The following DSCAML1 variants were observed in gnomAD, a reference collection of about 807,000 sequenced individuals.
The protein encoded by DSCAML1 is DS cell adhesion molecule like 1, also known as cell adhesion molecule DSCAML1.
Under a neutral mutation model 200.5 loss-of-function variants are expected in DSCAML1, and 38 were observed. That is an observed-to-expected ratio of 0.19 (90% CI 0.15 to 0.25). DSCAML1 has a LOEUF of 0.25. DSCAML1 is among the 10% of genes least tolerant of loss of function. The pLI, the probability that DSCAML1 is intolerant of heterozygous loss-of-function variation, is 1.00. For synonymous variants in DSCAML1, 1,215 were observed against 1,165.0 expected, an observed-to-expected ratio of 1.04 and a Z score of -0.87; for missense variants, 2,223 against 2,858.8, an observed-to-expected ratio of 0.78 and a Z score of 5.07.
At chr11:117,644,108 A>G (rs1183875435) in intron 3 of DSCAML1, among the ~76,000 whole-genome samples, 2 of 152,168 alleles carry the variant, frequency 1.3e-5, no homozygotes, top group East Asian at 3.9e-4. Flanking sequence ...GGGGCCCGTG[A>G]TGAAGTCCTG....
chr11:117,733,594 A>G (rs996523122), intron 3 of DSCAML1, among the ~76,000 whole-genome samples: 5 of 152,226 alleles, frequency 3.3e-5, no homozygotes, highest in Non-Finnish European at 7.3e-5. Flanking sequence ...CGACACGGCA[A>G]GGAAGGAAGC....
At chr11:117,684,434 CTAAAAAAAA>C (rs1206227019) in intron 3 of DSCAML1, among the ~76,000 whole-genome samples, 4 of 50,296 alleles carry the variant, frequency 8.0e-5, no homozygotes, top group Non-Finnish European at 1.4e-4. Flanking sequence ...ATTTCATTAA[CTAAAAAAAA>C]AAAAAAAAAA....
intron 3 of DSCAML1, among the ~76,000 whole-genome samples, chr11:117,546,335 T>C (rs1262685293): frequency 6.6e-6 from 1 of 152,230 alleles, no homozygotes; most frequent in Non-Finnish European, 1.5e-5. Flanking sequence ...TCTCTGAACC[T>C]GTTTCCTGTG....
At chr11:117,606,007 C>G (rs1480789114) in intron 3 of DSCAML1, among the ~76,000 whole-genome samples, 1 of 152,154 alleles carries the variant, frequency 6.6e-6, no homozygotes, top group Non-Finnish European at 1.5e-5. Context: ...GTCCTTTCCA[C>G]TGTCTACTCT....
intron 19 of DSCAML1, among the ~76,000 whole-genome samples, chr11:117,458,024 G>T (rs2048406506): frequency 6.6e-6 from 1 of 152,188 alleles, no homozygotes; most frequent in Non-Finnish European, 1.5e-5. Context: ...AAAGTGGCGG[G>T]GCTGGAGGCG....
At chr11:117,446,765 G>A (rs577754721) in intron 20 of DSCAML1, among the ~76,000 whole-genome samples, 5 of 152,294 alleles carry the variant, frequency 3.3e-5, no homozygotes, top group East Asian at 1.9e-4. Context: ...CAAATGCTCC[G>A]AAGGGCAATT....
chr11:117,688,214 G>C (rs1236845731), intron 3 of DSCAML1, among the ~76,000 whole-genome samples: 1 of 152,236 alleles, frequency 6.6e-6, no homozygotes, highest in Non-Finnish European at 1.5e-5. Context: ...TGCTACAGAG[G>C]TGCCAACCCC....
intron 3 of DSCAML1, among the ~76,000 whole-genome samples, chr11:117,655,856 C>T (rs1300066294): frequency 6.6e-6 from 1 of 152,190 alleles, no homozygotes; most frequent in Admixed American, 6.5e-5. Flanking sequence ...CTTGCCTTTT[C>T]CCCACCTACA....
chr11:117,646,389 G>A (rs1355309681), intron 3 of DSCAML1, among the ~76,000 whole-genome samples: 1 of 152,162 alleles, frequency 6.6e-6, no homozygotes, highest in African/African-American at 2.4e-5. Flanking sequence ...TGGGAAGGGA[G>A]GCATGGGTGG....
intron 3 of DSCAML1, among the ~76,000 whole-genome samples, chr11:117,629,960 A>C (rs955463680): frequency 6.6e-6 from 1 of 152,218 alleles, no homozygotes; most frequent in African/African-American, 2.4e-5. Flanking sequence ...ACTGTGAACT[A>C]GGATTGCACC....
chr11:117,816,233 G>C (rs919875782), intron 1 of DSCAML1, among the ~76,000 whole-genome samples: 1 of 152,310 alleles, frequency 6.6e-6, no homozygotes, highest in South Asian at 2.1e-4. Context: ...TAGGACACTC[G>C]GGCCCTTCCG....
intron 3 of DSCAML1, among the ~76,000 whole-genome samples, chr11:117,572,908 G>A (rs2050870875): frequency 6.6e-6 from 1 of 152,216 alleles, no homozygotes; most frequent in African/African-American, 2.4e-5. Context: ...ATCGCCCGGG[G>A]GCAGAGGGAG....
At chr11:117,663,802 A>G (rs991878674) in intron 3 of DSCAML1, among the ~76,000 whole-genome samples, 4 of 152,222 alleles carry the variant, frequency 2.6e-5, no homozygotes, top group Non-Finnish European at 5.9e-5. Context: ...GTAAAAGAGA[A>G]AAAAGAAAGA....
rs372912668 is a variant in DSCAML1, at chr11:117,684,323, C to T, written c.511+92468G>A. On this transcript the variant is annotated intron_variant, in intron 3 of 32. Transcript: ENST00000651296. The stretch of plus-strand genomic sequence containing the variant: ...CACCTCCCACCAGTGGCCTCTCCCA[C>T]TGCCAGCCAGTGCCTTGCTCAGAAC... Among the ~76,000 whole-genome samples, 14 of 151,926 alleles carry T rather than the reference C, an allele frequency of 9.2e-5. No homozygotes were observed. In the East Asian group the frequency reaches 2.5e-3, roughly 27 times the overall value.
At chr11:117,530,528 A>G (rs1473731693) in intron 4 of DSCAML1, among the ~76,000 whole-genome samples, 1 of 152,208 alleles carries the variant, frequency 6.6e-6, no homozygotes, top group East Asian at 1.9e-4. Context: ...TTATGACAGC[A>G]CGGTTTCCCT....
At chr11:117,641,236 C>G (rs657882) in intron 3 of DSCAML1, among the ~76,000 whole-genome samples, 77,021 of 152,078 alleles carry the variant, frequency 0.51, 20,186 homozygotes, top group Admixed American at 0.65. Context: ...TGACACAGAT[C>G]GCTGGGTGCC....
chr11:117,557,226 C>T (rs943433143), intron 3 of DSCAML1, among the ~76,000 whole-genome samples: 1 of 152,108 alleles, frequency 6.6e-6, no homozygotes. Context: ...GGCAGTGTGG[C>T]AGGGGAGGCT....
At chr11:117,606,642 A>G (rs1244207633) in intron 3 of DSCAML1, among the ~76,000 whole-genome samples, 1 of 152,072 alleles carries the variant, frequency 6.6e-6, no homozygotes, top group Non-Finnish European at 1.5e-5. Flanking sequence ...CCGTCCTTCC[A>G]CCCCGGCACC....
At chr11:117,726,571 T>C (rs2054135689) in intron 3 of DSCAML1, among the ~76,000 whole-genome samples, 1 of 151,726 alleles carries the variant, frequency 6.6e-6, no homozygotes, top group African/African-American at 2.4e-5. Context: ...ATGAGGGAGG[T>C]AGAGCCATGC....
Sources: gnomAD v4.1 joint callset for allele counts (sites outside exome capture counted in the v4.1 genomes callset) on GRCh38, gnomAD v4.1.1 for gene constraint, MANE v1.5 for transcripts, NCBI Gene and HGNC (gene_info 2026-07-23, HGNC 2026-07-21) for gene names.